IFNLR1: variants seen among roughly 807,000 people sequenced by gnomAD.
IFNLR1 encodes the protein interferon lambda receptor 1, also known as CRF2-12.
A neutral mutation model predicts 52.5 loss-of-function variants in IFNLR1; 28 were observed. The observed-to-expected ratio is 0.53, with a 90% CI of 0.40 to 0.73. The LOEUF is 0.73. Ranked by LOEUF, IFNLR1 falls within the 30% of genes least tolerant of loss-of-function variation. IFNLR1 has a pLI of 0.00. For synonymous variants in IFNLR1, 276 were observed against 274.9 expected (o/e 1.00, Z -0.04); for missense variants, 623 against 659.1 (o/e 0.95, Z 0.60).
rs755167362 is a variant in IFNLR1 at position 24,159,650 on chromosome 1, CAG to C, written c.511-19_511-18del. The C allele has an allele frequency of 3.5e-5, 57 of 1,612,326 alleles. No homozygotes were observed. Among genetic ancestry groups the C allele is most frequent in the Non-Finnish European group, 4.6e-5 (54 of 1,179,260 alleles). On this transcript the variant is annotated intron_variant, in intron 4 of 6. Transcript: ENST00000327535. ...AAATAGGGTCTGTTTGGAAAAGAAGCAGAGAGTGGCAGAGCTGCTGTGGGGAC... is the reference window on the plus strand; with the variant it reads ...AAATAGGGTCTGTTTGGAAAAGAAGCAGAGTGGCAGAGCTGCTGTGGGGAC...
chr1:24,165,213 C>T (rs1234524904), intron 3 of IFNLR1, among the ~76,000 whole-genome samples: 1 of 152,160 alleles, frequency 6.6e-6, no homozygotes, highest in African/African-American at 2.4e-5. Flanking sequence ...GCCGTGCCTT[C>T]CACATTTTAT....
chr1:24,162,876 T>TTTCTTTCC (rs1553162229), intron 3 of IFNLR1, among the ~76,000 whole-genome samples: 10 of 22,578 alleles, frequency 4.4e-4, no homozygotes, highest in African/African-American at 9.9e-4. Context: ...TCTTTCTTTC[T>TTTCTTTCC]TTCCTTCCTT....
At chr1:24,172,366 T>C (rs1232603894) in intron 2 of IFNLR1, among the ~76,000 whole-genome samples, 2 of 152,034 alleles carry the variant, frequency 1.3e-5, no homozygotes, top group Admixed American at 6.6e-5. Context: ...AACTGGAACC[T>C]GATACTTCAA....
intron 1 of IFNLR1, among the ~76,000 whole-genome samples, chr1:24,181,895 G>A (rs778706382): frequency 3.9e-5 from 6 of 152,084 alleles, no homozygotes; most frequent in Admixed American, 2.6e-4. Context: ...TAGGCTGTCC[G>A]CCAGGTAAGA....
At position 24,157,171 on chromosome 1, in the gene IFNLR1, C is replaced by T. The variant is rs143712729; in HGVS notation, c.1522G>A (p.Glu508Lys). Residue 508 changes from glutamate to lysine, a missense_variant, in exon 7 of 7, where the codon GAG becomes AAG. Physicochemically the swap from Glu to Lys is moderately conservative, Grantham distance 56 (BLOSUM62 1). Transcript: ENST00000327535. The surrounding 1 kb of genome is among the most constrained non-coding windows in gnomAD (Gnocchi z 5.1). ...TGCCCCAATGTCCGGCCCCTGTCCT[C>T]GGTCCTCTGGGTGCTCTCAGCCCCC... is the stretch of plus-strand genomic sequence containing the variant. ...SWGAESTQRT[E>K]DRGRTLGHYM... is the part of the protein sequence containing the mutation. 5.5e-5 allele frequency: 88 copies of T among 1,613,780 alleles called. No individual in the cohort carries two copies. The highest frequency in any genetic ancestry group is 6.7e-5 in the East Asian group (3 of 44,876).
In IFNLR1 at chr1:24,159,086, G is replaced by C. The variant is rs1557641379; in HGVS notation, c.767C>G (p.Pro256Arg). ...TGGCATCTTTGCCCGCTGAAACCAG[G>C]GGTTCCCCATGAGGGTCTTCCAGAT... Reference protein sequence around the residue: ...GVIWKTLMGNPWFQRAKMPRA... With the variant: ...GVIWKTLMGNRWFQRAKMPRA... The change falls in exon 6 of 7, where the codon CCC becomes CGC. Residue 256 changes from proline (P) to arginine (R), a missense_variant. Physicochemically the swap from Pro to Arg is moderately radical, Grantham distance 103 (BLOSUM62 -2). Transcript: ENST00000327535. The C allele has an allele frequency of 6.2e-7, 1 of 1,614,082 alleles. No individual in the cohort carries two copies. The highest frequency in any genetic ancestry group is 2.2e-5 in the East Asian group (1 of 44,866).
chr1:24,187,146 CG>C (rs1203532692), intron 1 of IFNLR1, 44 bp downstream of exon 1: 7 of 1,273,202 alleles, frequency 5.5e-6, no homozygotes, highest in South Asian at 4.9e-5. Flanking sequence ...CGGCCCGGCC[CG>C]GGGAGCCCTC....
rs566903911 is a variant in IFNLR1 at position 24,166,441 on chromosome 1, C to T, written c.367+2976G>A. On this transcript the variant is annotated intron_variant, in intron 3 of 6. Coordinates refer to ENST00000327535, the MANE Select transcript of IFNLR1 (RefSeq NM_170743.4). ...CTTCCTTCCTTCCTTGCTTCTCCTTCGCTCCAGCCCTTCCTTCCCTGCCTG... is the reference window on the plus strand; with the variant it reads ...CTTCCTTCCTTCCTTGCTTCTCCTTTGCTCCAGCCCTTCCTTCCCTGCCTG... 1.6e-4 allele frequency among the ~76,000 whole-genome samples: 24 copies of T among 152,248 alleles called. No homozygotes were observed. The East Asian group carries it at 2.7e-3, about 17-fold the overall frequency.
rs1328797298 is a variant in IFNLR1 at position 24,155,879 on chromosome 1, A to G, written c.*1251T>C. On this transcript the variant is annotated 3_prime_UTR_variant, in exon 7 of 7. Transcript: ENST00000327535. Reference sequence around the variant, plus strand: ...ATCTATATTCAGGTGGGTGTAGGTTAACTGAGGATGCATCAGCACCCCCAG... The same window carrying G: ...ATCTATATTCAGGTGGGTGTAGGTTGACTGAGGATGCATCAGCACCCCCAG... The G allele has an allele frequency of 6.6e-6, 1 of 152,220 alleles. No homozygotes were observed. The highest frequency in any genetic ancestry group is 2.4e-5 in the African/African-American group (1 of 41,458). 9.4% of individuals were successfully genotyped at this position (152,220 alleles called of 1,614,324 possible).
chr1:24,170,980 T>G (rs1644573075), intron 2 of IFNLR1, among the ~76,000 whole-genome samples: 1 of 152,186 alleles, frequency 6.6e-6, no homozygotes, highest in African/African-American at 2.4e-5. Flanking sequence ...ATGCAAATAT[T>G]CACACCAAAG....
intron 1 of IFNLR1, among the ~76,000 whole-genome samples, chr1:24,183,344 T>A (rs1329662560): frequency 6.6e-6 from 1 of 151,896 alleles, no homozygotes; most frequent in East Asian, 1.9e-4. Context: ...ACACCTGTAA[T>A]CCCAGCACTT....
At chr1:24,162,760 CTTTCTTTCTTTCTTTCTT>C (rs1557643832) in intron 3 of IFNLR1, among the ~76,000 whole-genome samples, 3,068 of 33,700 alleles carry the variant, frequency 0.091, 127 homozygotes, top group East Asian at 0.13. Context: ...TTCTTTCTTT[CTTTCTTTCTTTCTTTCTT>C]TTTCTTTCTT....
chr1:24,157,497 T>C lies in IFNLR1; in HGVS notation c.1196A>G (p.Asp399Gly). ...SWASTVDSSW[D>G]RAGSSGYLAE... Reference sequence around the variant, plus strand: ...CAAATAGCCAGAGGACCCAGCCCTGTCCCAGGAGGAGTCCACAGTGCTGGC... The same window carrying C: ...CAAATAGCCAGAGGACCCAGCCCTGCCCCAGGAGGAGTCCACAGTGCTGGC... The change falls in exon 7 of 7, where the codon GAC becomes GGC. Residue 399 changes from aspartate to glycine, a missense_variant. Coordinates refer to ENST00000327535, the MANE Select transcript of IFNLR1 (RefSeq NM_170743.4). This position sits in a 1 kb window ranked among gnomAD's most constrained non-coding sequence, Gnocchi z 5.1. 2.5e-6 allele frequency: 4 copies of C among 1,612,674 alleles called. No homozygotes were observed. Among genetic ancestry groups the C allele is most frequent in the Non-Finnish European group, 3.4e-6 (4 of 1,179,290 alleles).
intron 3 of IFNLR1, among the ~76,000 whole-genome samples, chr1:24,164,364 G>A (rs1425114837): frequency 2.6e-5 from 4 of 152,204 alleles, no homozygotes; most frequent in African/African-American, 9.6e-5. Context: ...GTAGAAACTG[G>A]AGAGTCCAAC....
chr1:24,186,230 T>C (rs901311947), intron 1 of IFNLR1, among the ~76,000 whole-genome samples: 1 of 152,074 alleles, frequency 6.6e-6, no homozygotes, highest in African/African-American at 2.4e-5. Flanking sequence ...ATGGACAGCC[T>C]GTCCCACGTG....
intron 2 of IFNLR1, 24 bp downstream of exon 2, chr1:24,180,691 CTCAGTCTTCCCATCCA>C: frequency 7.0e-7 from 1 of 1,437,892 alleles, no homozygotes; most frequent in Non-Finnish European, 9.5e-7. Context: ...CACCCACCCC[CTCAGTCTTCCCATCCA>C]CCAGCCGAGA....
At chr1:24,159,358 G>T in intron 5 of IFNLR1, 116 bp downstream of exon 5, 5 of 1,247,104 alleles carry the variant, frequency 4.0e-6, no homozygotes, top group South Asian at 1.4e-5. Flanking sequence ...GACACACAAT[G>T]AGTGTGGTTT....
chr1:24,157,796 G>A lies in IFNLR1; in HGVS notation c.897C>T (p.Thr299=), dbSNP rs1053378478. Residue 299 remains threonine (T), a synonymous_variant, in exon 7 of 7, where the codon ACC becomes ACT. Transcript: ENST00000327535. This position sits in a 1 kb window ranked among gnomAD's most constrained non-coding sequence, Gnocchi z 5.1. Reference sequence around the variant, plus strand: ...CTCGAGGCGTCGGCCTGACCCCTCTGGTCAGTTCCTTTTGGGGACAGAGGA... The same window carrying A: ...CTCGAGGCGTCGGCCTGACCCCTCTAGTCAGTTCCTTTTGGGGACAGAGGA... ...DLFLCPQKEL[T]RGVRPTPRVR... 1.2e-6 allele frequency: 2 copies of A among 1,614,144 alleles called. No individual in the cohort carries two copies. Among genetic ancestry groups the A allele is most frequent in the Non-Finnish European group, 1.7e-6 (2 of 1,180,010 alleles).
At chr1:24,170,045 C>A (rs765353048) in intron 2 of IFNLR1, among the ~76,000 whole-genome samples, 3 of 152,212 alleles carry the variant, frequency 2.0e-5, no homozygotes, top group African/African-American at 2.4e-5. Flanking sequence ...ATGACTCCAA[C>A]CTGGATACTT....
Sources: gnomAD v4.1 joint callset for allele counts (sites outside exome capture counted in the v4.1 genomes callset) on GRCh38, gnomAD v4.1.1 for gene constraint, Gnocchi (gnomAD v3.1) non-coding constraint, MANE v1.5 for transcripts, NCBI Gene and HGNC (gene_info 2026-07-23, HGNC 2026-07-21) for gene names.